The following STRBP variants were observed in gnomAD, a reference collection of about 807,000 sequenced individuals.
The protein encoded by STRBP is spermatid perinuclear RNA-binding protein.
In STRBP, 13 loss-of-function variants were observed where a neutral mutation model predicts 80.1. The ratio of observed to expected loss-of-function variants is 0.16; its 90% CI spans 0.11 to 0.26. The LOEUF is 0.26. Among genes scored for constraint, STRBP ranks in the 10% least tolerant of loss-of-function variants. The pLI is 1.00. For synonymous variants in STRBP, 284 were observed against 291.2 expected (o/e 0.98, Z 0.25); for missense variants, 485 against 815.2 (o/e 0.59, Z 4.93).
At chr9:123,168,728 A>G (rs2037878788) in intron 6 of STRBP, among the ~76,000 whole-genome samples, 1 of 152,194 alleles carries the variant, frequency 6.6e-6, no homozygotes, top group Non-Finnish European at 1.5e-5. Context: ...TTGTCATGAC[A>G]GAGTAGCCAG....
chr9:123,174,560 C>T (rs567634289), intron 4 of STRBP, among the ~76,000 whole-genome samples: 8 of 152,238 alleles, frequency 5.3e-5, no homozygotes, highest in Non-Finnish European at 1.0e-4. Context: ...GGATTCTACT[C>T]GTAGTGCCTG....
intron 1 of STRBP, among the ~76,000 whole-genome samples, chr9:123,244,625 C>T (rs960813238): frequency 7.2e-5 from 11 of 152,168 alleles, no homozygotes; most frequent in African/African-American, 2.7e-4. Flanking sequence ...ATGAAGTCTA[C>T]TAATCTTTCT....
At chr9:123,236,383 A>G (rs969995129) in intron 2 of STRBP, among the ~76,000 whole-genome samples, 7 of 152,130 alleles carry the variant, frequency 4.6e-5, no homozygotes, top group Admixed American at 4.6e-4. Context: ...TAAAAGTATA[A>G]TTTTTAAAGA....
chr9:123,259,259 A>C (rs932997123), intron 1 of STRBP, among the ~76,000 whole-genome samples: 3 of 152,194 alleles, frequency 2.0e-5, no homozygotes, highest in Non-Finnish European at 4.4e-5. Flanking sequence ...AAATGGAAAG[A>C]TGAAGCTGCT....
chr9:123,263,759 A>C (rs1374873249), intron 1 of STRBP, among the ~76,000 whole-genome samples: 1 of 152,248 alleles, frequency 6.6e-6, no homozygotes, highest in Non-Finnish European at 1.5e-5. Flanking sequence ...TCAGTAAATC[A>C]GAACAAGGAA....
chr9:123,246,225 C>T (rs918072315), intron 1 of STRBP, among the ~76,000 whole-genome samples: 2 of 152,138 alleles, frequency 1.3e-5, no homozygotes, highest in Non-Finnish European at 2.9e-5. Flanking sequence ...TGAAACATTT[C>T]GAATGAAGTA....
chr9:123,157,879 T>A, intron 11 of STRBP, 133 bp downstream of exon 11: 1 of 704,866 alleles, frequency 1.4e-6, no homozygotes, highest in Non-Finnish European at 2.5e-6. Flanking sequence ...CCTATATCAG[T>A]CAGGAAGAAA....
chr9:123,141,821 A>G (rs79607113), intron 13 of STRBP, among the ~76,000 whole-genome samples: 1 of 152,224 alleles, frequency 6.6e-6, no homozygotes, highest in Non-Finnish European at 1.5e-5. Flanking sequence ...AATTCAAATC[A>G]AATCATTTTT....
intron 18 of STRBP, among the ~76,000 whole-genome samples, chr9:123,127,731 C>A (rs1335608336): frequency 2.0e-5 from 3 of 152,188 alleles, no homozygotes; most frequent in Non-Finnish European, 4.4e-5. Flanking sequence ...GCCAATGATA[C>A]CCATTTACTT....
intron 1 of STRBP, among the ~76,000 whole-genome samples, chr9:123,261,193 A>G (rs1001093533): frequency 1.3e-5 from 2 of 152,206 alleles, no homozygotes; most frequent in Non-Finnish European, 2.9e-5. Context: ...TCTCAGATTC[A>G]TTACTATCTC....
At position 123,136,423 on chromosome 9, in the gene STRBP, G is replaced by A. The variant is rs781475603; in HGVS notation, c.1590C>T (p.Ile530=). 6.2e-7 allele frequency: 1 copy of A among 1,614,116 alleles called. No homozygotes were observed. The change falls in exon 15 of 19, where the codon ATC becomes ATT. Residue 530 remains isoleucine (I), a synonymous_variant. Coordinates refer to ENST00000348403, the MANE Select transcript of STRBP (RefSeq NM_018387.5). The surrounding 1 kb of genome is among the most constrained non-coding windows in gnomAD (Gnocchi z 4.2). ...EKRRGLKYEL[I]SETGGSHDKR... ...TGTCATGGCTTCCACCAGTCTCTGA[G>A]ATGAGTTCATACTTGAGACCTCTTC...
intron 2 of STRBP, among the ~76,000 whole-genome samples, chr9:123,116,541 G>C (rs760608301): frequency 3.4e-4 from 52 of 152,192 alleles, no homozygotes; most frequent in Non-Finnish European, 5.7e-4. Flanking sequence ...CAAAGGAACA[G>C]AAAAAGAACG....
intron 2 of STRBP, among the ~76,000 whole-genome samples, chr9:123,214,138 A>ATATG (rs1393284490): frequency 2.2e-5 from 3 of 139,488 alleles, no homozygotes; most frequent in African/African-American, 3.0e-5. Context: ...ATATATATAT[A>ATATG]TATGTATACA....
At chr9:123,155,058 G>T (rs1412289231) in intron 11 of STRBP, among the ~76,000 whole-genome samples, 1 of 152,160 alleles carries the variant, frequency 6.6e-6, no homozygotes, top group Non-Finnish European at 1.5e-5. Context: ...ATGTGATAGT[G>T]GGTAAGTAGA....
Position 123,122,439 on chromosome 9 carries a change from T to C in STRBP, c.*3158A>G. On this transcript the variant is annotated 3_prime_UTR_variant, in exon 19 of 19. Coordinates refer to ENST00000348403, the MANE Select transcript of STRBP (RefSeq NM_018387.5). ...ATGATTTTCAAACATTCACCCAAAA[T>C]TAAAAAAAAAAAAAAAAAGAAAAGG... 1.1e-6 allele frequency: 1 copy of C among 918,892 alleles called. No individual in the cohort carries two copies. Among genetic ancestry groups the C allele is most frequent in the Non-Finnish European group, 1.2e-6 (1 of 802,778 alleles). The allele number at this position is 918,892 out of a possible 1,614,324, so 56.9% of individuals were successfully genotyped here.
At chr9:123,142,743 C>CA (rs1554746334) in intron 13 of STRBP, among the ~76,000 whole-genome samples, 1 of 147,188 alleles carries the variant, frequency 6.8e-6, no homozygotes, top group Non-Finnish European at 1.5e-5. Flanking sequence ...TGATAACACA[C>CA]TTTTTTTTTT....
rs529341101 is a variant in STRBP, at chr9:123,151,838, C to T, written c.1046-3968G>A. 7.9e-5 allele frequency among the ~76,000 whole-genome samples: 12 copies of T among 152,030 alleles called. 1 individual carries two copies. The South Asian group carries it at 2.3e-3, about 29-fold the overall frequency. On this transcript the variant is annotated intron_variant, in intron 11 of 18. Transcript: ENST00000348403. ...GGAAAACTACAGAAAAGAGCAGAAA[C>T]CAATAAAACAGAATACAAACATGCA...
rs2038808688 is a variant in STRBP at position 123,188,924 on chromosome 9, T to C, written c.-164-4626A>G. 3.3e-5 allele frequency among the ~76,000 whole-genome samples: 5 copies of C among 152,104 alleles called. No homozygotes were observed. In the South Asian group the frequency reaches 6.2e-4, roughly 19 times the overall value. On this transcript the variant is annotated intron_variant, in intron 2 of 18. Transcript: ENST00000348403. ...AAAATAAACAGGCTTTATTTCATTA[T>C]GAAAGAACCACCGCACATCTACAAT...
At chr9:123,114,232 C>A (rs1588431021) in intron 3 of STRBP, 1 of 167,140 alleles carries the variant, frequency 6.0e-6, no homozygotes, top group East Asian at 1.9e-4. Context: ...CTCTCCCCGT[C>A]CATTTCAAAG....
Sources: gnomAD v4.1 joint callset for allele counts (sites outside exome capture counted in the v4.1 genomes callset) on GRCh38, gnomAD v4.1.1 for gene constraint, Gnocchi (gnomAD v3.1) non-coding constraint, MANE v1.5 for transcripts, NCBI Gene and HGNC (gene_info 2026-07-23, HGNC 2026-07-21) for gene names.